DLG1: variants seen among roughly 807,000 people sequenced by gnomAD.
DLG1 encodes disks large homolog 1.
A neutral mutation model predicts 123.4 loss-of-function variants in DLG1; 42 were observed. The ratio of observed to expected loss-of-function variants is 0.34; its 90% CI spans 0.27 to 0.44. The LOEUF is 0.44. Ranked by LOEUF, DLG1 falls within the 20% of genes least tolerant of loss-of-function variation. The probability of loss-of-function intolerance (pLI) is 1.00; values close to 1 mark genes in which losing one functional copy is unlikely to be tolerated. For missense variants in DLG1, 942 were observed against 1,082.6 expected (o/e 0.87, Z 1.82); for synonymous variants, 317 against 356.2 (o/e 0.89, Z 1.24).
At chr3:197,054,285 C>G (rs116714989) in intron 23 of DLG1, among the ~76,000 whole-genome samples, 2 of 151,784 alleles carry the variant, frequency 1.3e-5, no homozygotes, top group Non-Finnish European at 2.9e-5. Context: ...TCTTTCATCA[C>G]ATTTGGGATG....
At chr3:197,100,568 G>T (rs1011921827) in intron 14 of DLG1, among the ~76,000 whole-genome samples, 1 of 152,074 alleles carries the variant, frequency 6.6e-6, no homozygotes. Flanking sequence ...AAAAGATTGA[G>T]ATATAAGCTC....
chr3:197,237,137 C>T lies in DLG1; in HGVS notation c.319-42548G>A, dbSNP rs185813192. On this transcript the variant is annotated intron_variant, in intron 4 of 24. Coordinates refer to ENST00000667157, the MANE Select transcript of DLG1 (RefSeq NM_001366207.1). ...ACATATCTTTTAAAGACAATGAGGG[C>T]TTCCAATTGAAAGAGAGCGTAGACA... 7.9e-5 allele frequency among the ~76,000 whole-genome samples: 12 copies of T among 152,258 alleles called. No individual in the cohort carries two copies. The East Asian group carries it at 1.7e-3, about 22-fold the overall frequency.
intron 14 of DLG1, among the ~76,000 whole-genome samples, chr3:197,091,648 A>G (rs1757784692): frequency 6.6e-6 from 1 of 152,124 alleles, no homozygotes. Context: ...TTTATACAAA[A>G]ATATGATTTT....
At chr3:197,080,716 C>T in intron 17 of DLG1, 1 of 168,256 alleles carries the variant, frequency 5.9e-6, no homozygotes. Flanking sequence ...CCTGACTTGG[C>T]CTCCCAAAGT....
In DLG1 at chr3:197,140,077, A is replaced by C. The variant is rs192396022; in HGVS notation, c.713+63T>G. On this transcript the variant is annotated intron_variant, in intron 8 of 24. Transcript: ENST00000667157. The stretch of plus-strand genomic sequence containing the variant: ...TGTTATTTGTATTTATCCCTTATCC[A>C]GTCTGCTTCAAGAAAAATACACAAA... 1.3e-4 allele frequency: 200 copies of C among 1,567,212 alleles called. 2 individuals carry two copies. In the East Asian group the frequency reaches 4.5e-3, roughly 35 times the overall value.
At chr3:197,059,271 T>C (rs541924389) in intron 23 of DLG1, among the ~76,000 whole-genome samples, 79 of 152,338 alleles carry the variant, frequency 5.2e-4, no homozygotes, top group African/African-American at 1.9e-3. Context: ...CCTTAAAGTA[T>C]ATTCGTCAGC....
intron 23 of DLG1, among the ~76,000 whole-genome samples, chr3:197,057,938 C>G (rs1732939670): frequency 6.6e-6 from 1 of 151,862 alleles, no homozygotes; most frequent in South Asian, 2.1e-4. Context: ...TCATTAATTT[C>G]TGCTCTGCCA....
At chr3:197,271,632 T>C (rs1408296265) in intron 4 of DLG1, among the ~76,000 whole-genome samples, 1 of 152,210 alleles carries the variant, frequency 6.6e-6, no homozygotes, top group African/African-American at 2.4e-5. Flanking sequence ...ATCTGCTTTA[T>C]CTGATTTTTT....
intron 14 of DLG1, among the ~76,000 whole-genome samples, chr3:197,101,328 A>C (rs1460184991): frequency 6.6e-6 from 1 of 152,170 alleles, no homozygotes. Context: ...GTGAATAAAC[A>C]TAACATGGTT....
intron 7 of DLG1, 67 bp from the exon 8 acceptor site, chr3:197,140,331 A>C: frequency 6.6e-7 from 1 of 1,523,578 alleles, no homozygotes; most frequent in Non-Finnish European, 9.0e-7. Context: ...TCCTGTCATT[A>C]AAGGACGCAG....
chr3:197,229,796 C>G (rs1197724395), intron 4 of DLG1, among the ~76,000 whole-genome samples: 4 of 152,200 alleles, frequency 2.6e-5, no homozygotes, highest in Admixed American at 6.5e-5. Context: ...AATCGCCTTA[C>G]TTAATCCAAA....
At chr3:197,250,771 A>T (rs906673019) in intron 4 of DLG1, among the ~76,000 whole-genome samples, 2 of 151,512 alleles carry the variant, frequency 1.3e-5, no homozygotes, top group Non-Finnish European at 2.9e-5. Context: ...GAGGTGGCAG[A>T]TCACTTGAAG....
intron 3 of DLG1, among the ~76,000 whole-genome samples, chr3:197,294,946 T>A (rs904762603): frequency 2.0e-5 from 3 of 152,170 alleles, no homozygotes; most frequent in Non-Finnish European, 4.4e-5. Flanking sequence ...CGAAAAAACA[T>A]ACTTTTTTTG....
chr3:197,069,667 A>C (rs888134235), intron 18 of DLG1: 1 of 153,656 alleles, frequency 6.5e-6, no homozygotes, highest in Admixed American at 6.5e-5. Flanking sequence ...GCCCATTTTA[A>C]TGACGGGATG....
intron 5 of DLG1, among the ~76,000 whole-genome samples, chr3:197,158,187 G>A (rs1328354866): frequency 2.6e-5 from 4 of 152,140 alleles, no homozygotes; most frequent in African/African-American, 9.7e-5. Context: ...ATGAACAGAT[G>A]TGTCACAAAT....
At chr3:197,049,529 C>A (rs933484833) in intron 24 of DLG1, among the ~76,000 whole-genome samples, 2 of 151,960 alleles carry the variant, frequency 1.3e-5, no homozygotes, top group South Asian at 4.2e-4. Context: ...CCAAGGCGGG[C>A]GGATCACCTG....
At chr3:197,114,667 TG>T (rs1253312952) in intron 13 of DLG1, among the ~76,000 whole-genome samples, 2 of 152,128 alleles carry the variant, frequency 1.3e-5, no homozygotes, top group Non-Finnish European at 2.9e-5. Context: ...GCATGTAGCA[TG>T]TATATGAAAG....
At chr3:197,298,910 C>G (rs1269755465), upstream of DLG1, 1 of 247,178 alleles carries the variant, frequency 4.0e-6, no homozygotes, top group Non-Finnish European at 7.7e-6. Context: ...GTATGGTATA[C>G]TTAAGGGTGG....
At chr3:197,152,553 G>T (rs868416347) in intron 5 of DLG1, among the ~76,000 whole-genome samples, 32 of 151,254 alleles carry the variant, frequency 2.1e-4, no homozygotes, top group Middle Eastern at 3.4e-3. Context: ...AAGGCGGGTG[G>T]ATCACGAGGT....
Sources: gnomAD v4.1 joint callset for allele counts (sites outside exome capture counted in the v4.1 genomes callset) on GRCh38, gnomAD v4.1.1 for gene constraint, MANE v1.5 for transcripts, NCBI Gene and HGNC (gene_info 2026-07-23, HGNC 2026-07-21) for gene names.